Variants in YWHAE observed in about 807,000 individuals in gnomAD.
YWHAE encodes the protein tyrosine 3-monooxygenase/tryptophan 5-monooxygenase activation protein epsilon.
Under a neutral mutation model 30.1 loss-of-function variants are expected in YWHAE, and 4 were observed. The observed-to-expected ratio is 0.13, with a 90% confidence interval of 0.07 to 0.30. The LOEUF (loss-of-function observed/expected upper bound fraction) is 0.30. Among genes scored for constraint, YWHAE ranks in the 10% least tolerant of loss-of-function variants. The pLI is 1.00. For missense variants in YWHAE, 121 were observed against 315.9 expected, an observed-to-expected ratio of 0.38 and a Z score of 4.68; for synonymous variants, 118 against 111.8, an observed-to-expected ratio of 1.06 and a Z score of -0.35.
intron 5 of YWHAE, among the ~76,000 whole-genome samples, chr17:1,349,787 T>G (rs533416355): frequency 5.9e-5 from 9 of 151,998 alleles, no homozygotes; most frequent in African/African-American, 1.9e-4. Context: ...TAATTTTTTT[T>G]GTATTTTTAG....
intron 1 of YWHAE, among the ~76,000 whole-genome samples, chr17:1,379,214 T>C (rs963531459): frequency 6.6e-6 from 1 of 151,856 alleles, no homozygotes; most frequent in Non-Finnish European, 1.5e-5. Context: ...AGATTTTACA[T>C]GGCCTCACGC....
chr17:1,394,592 C>A (rs1448851980), intron 1 of YWHAE, among the ~76,000 whole-genome samples: 5 of 151,818 alleles, frequency 3.3e-5, no homozygotes, highest in African/African-American at 4.8e-5. Context: ...GGTCACAAAG[C>A]AAGACCCTGT....
intron 4 of YWHAE, among the ~76,000 whole-genome samples, chr17:1,357,046 G>T (rs1430999736): frequency 6.6e-6 from 1 of 151,426 alleles, no homozygotes; most frequent in Admixed American, 6.6e-5. Context: ...GAGGAGGGCA[G>T]ATCACGAGGT....
intron 1 of YWHAE, among the ~76,000 whole-genome samples, chr17:1,388,092 G>C (rs144287161): frequency 0.049 from 5,567 of 113,118 alleles, 217 homozygotes; most frequent in African/African-American, 0.11. Flanking sequence ...CCACGCCTGG[G>C]TAATTTTTGT....
chr17:1,399,817 G>C (rs956316594), intron 1 of YWHAE: 1 of 131,172 alleles, frequency 7.6e-6, no homozygotes, highest in Non-Finnish European at 1.4e-5. Context: ...CCGTCGCCCC[G>C]GCCTCCCGGC....
intron 1 of YWHAE, among the ~76,000 whole-genome samples, chr17:1,370,476 T>C (rs916213205): frequency 4.6e-5 from 7 of 150,732 alleles, no homozygotes; most frequent in East Asian, 2.0e-4. Flanking sequence ...TCTTGCTCTG[T>C]AGCCCAGGCA....
rs145213816 is a variant in YWHAE, at chr17:1,350,785, C to T, written c.715+3426G>A. Among the ~76,000 whole-genome samples the T allele has an allele frequency of 7.3e-5, 11 of 151,632 alleles. No individual in the cohort carries two copies. The East Asian group carries it at 2.1e-3, about 28-fold the overall frequency. ...ATAATAATAAAAAAAAATGGCCAGG[C>T]GCAGTGGCTCACGCCTGTAATCCAA... On this transcript the variant is annotated intron_variant, in intron 5 of 5. Transcript: ENST00000264335.
At chr17:1,378,764 G>A (rs191236341) in intron 1 of YWHAE, among the ~76,000 whole-genome samples, 4 of 152,286 alleles carry the variant, frequency 2.6e-5, no homozygotes, top group East Asian at 1.9e-4. Flanking sequence ...TGGCCAACAT[G>A]GTGAAATCCC....
At chr17:1,361,339 A>G in intron 3 of YWHAE, 41 bp from the exon 4 acceptor site, 1 of 1,477,192 alleles carries the variant, frequency 6.8e-7, no homozygotes, top group South Asian at 1.3e-5. Flanking sequence ...AAAAATTTAA[A>G]CTAGGAACGA....
chr17:1,359,848 G>GTGTGTGTT (rs1458208544), intron 4 of YWHAE, among the ~76,000 whole-genome samples: 8 of 129,686 alleles, frequency 6.2e-5, no homozygotes, highest in Non-Finnish European at 1.4e-4. Flanking sequence ...GTGTGTGTGT[G>GTGTGTGTT]TGTGTGTAAA....
At chr17:1,382,734 T>C (rs537344391) in intron 1 of YWHAE, among the ~76,000 whole-genome samples, 2 of 152,118 alleles carry the variant, frequency 1.3e-5, no homozygotes, top group African/African-American at 2.4e-5. Flanking sequence ...CAGTAAGAAA[T>C]GAAAAACAGG....
chr17:1,360,941 T>C (rs1466711393), intron 4 of YWHAE, 151 bp downstream of exon 4: 11 of 680,042 alleles, frequency 1.6e-5, no homozygotes, highest in African/African-American at 1.8e-5. Flanking sequence ...CAGGTCTGTT[T>C]TAATACTATC....
intron 1 of YWHAE, among the ~76,000 whole-genome samples, chr17:1,373,587 G>T (rs1286096107): frequency 6.6e-6 from 1 of 151,948 alleles, no homozygotes. Flanking sequence ...AGAATTGCGT[G>T]AACCCGGGAG....
At chr17:1,361,569 A>C in intron 3 of YWHAE, 1 of 445,604 alleles carries the variant, frequency 2.2e-6, no homozygotes, top group Non-Finnish European at 3.9e-6. Context: ...CACCTGATAG[A>C]CCAGAATTAA....
At chr17:1,389,367 G>C (rs2073355301) in intron 1 of YWHAE, among the ~76,000 whole-genome samples, 1 of 152,138 alleles carries the variant, frequency 6.6e-6, no homozygotes, top group Non-Finnish European at 1.5e-5. Context: ...CAGGGATTAA[G>C]TAGTATTTAG....
intron 2 of YWHAE, among the ~76,000 whole-genome samples, chr17:1,363,906 G>T (rs1598241993): frequency 3.3e-5 from 5 of 152,116 alleles, no homozygotes; most frequent in Admixed American, 2.6e-4. Context: ...GTTTGTTGTG[G>T]GGCCCGTGCT....
chr17:1,377,507 C>T (rs2073143534), intron 1 of YWHAE, among the ~76,000 whole-genome samples: 2 of 152,114 alleles, frequency 1.3e-5, no homozygotes, highest in African/African-American at 2.4e-5. Context: ...CCAGCTACTC[C>T]AGAAGCTGAG....
intron 1 of YWHAE, among the ~76,000 whole-genome samples, chr17:1,388,114 G>GTTTTTT (rs1567983280): frequency 5.0e-5 from 2 of 40,330 alleles, no homozygotes; most frequent in Admixed American, 3.6e-4. Flanking sequence ...TTTTTTTTTG[G>GTTTTTT]TTGGTTTTTT....
chr17:1,362,993 C>T (rs1019659238), intron 2 of YWHAE, among the ~76,000 whole-genome samples: 2 of 152,122 alleles, frequency 1.3e-5, no homozygotes, highest in Admixed American at 6.6e-5. Context: ...TAGATCTCTA[C>T]ACCCTTCTCC....
Sources: gnomAD v4.1 joint callset for allele counts (sites outside exome capture counted in the v4.1 genomes callset) on GRCh38, gnomAD v4.1.1 for gene constraint, MANE v1.5 for transcripts, NCBI Gene and HGNC (gene_info 2026-07-23, HGNC 2026-07-21) for gene names.